AK3: variants seen among roughly 807,000 people sequenced by gnomAD.
AK3 encodes the protein GTP:AMP phosphotransferase AK3, mitochondrial.
AK3 carries 27 observed loss-of-function variants against 23.7 expected under a neutral mutation model. The ratio of observed to expected loss-of-function variants is 1.14; its 90% CI spans 0.84 to 1.57. AK3 has a LOEUF of 1.57. Among genes scored for constraint, AK3 ranks in the 40% most tolerant of loss-of-function variants. The pLI is 0.00. For synonymous variants in AK3, 159 were observed against 116.0 expected (o/e 1.37, Z -2.38); for missense variants, 406 against 285.6 (o/e 1.42, Z -3.04).
rs1300606526 is a variant in AK3 at position 4,709,828 on chromosome 9, T to G, written c.*3148A>C. Reference sequence around the variant, plus strand: ...GCCTGAGGATTTATTTTTATTTTTATTTTTATTTTTTGGTCAATGAGAAGA... The same window carrying G: ...GCCTGAGGATTTATTTTTATTTTTAGTTTTATTTTTTGGTCAATGAGAAGA... On this transcript the variant is annotated 3_prime_UTR_variant, in exon 5 of 5. Coordinates refer to ENST00000381809, the MANE Select transcript of AK3 (RefSeq NM_016282.4). 6.6e-6 allele frequency: 1 copy of G among 152,008 alleles called. No individual in the cohort carries two copies. Among genetic ancestry groups the G allele is most frequent in the Admixed American group, 6.5e-5 (1 of 15,274 alleles). The allele number at this position is 152,008 out of a possible 1,614,324, so 9.4% of individuals were successfully genotyped here.
In AK3 at chr9:4,741,012, G is replaced by A. The variant is rs757194911; in HGVS notation, c.76C>T (p.Arg26Cys). 2.5e-6 allele frequency: 4 copies of A among 1,593,346 alleles called. No homozygotes were observed. In the South Asian group the frequency reaches 3.4e-5, roughly 14 times the overall value. The change falls in exon 1 of 5, where the codon CGC (arginine) becomes TGC (cysteine). Residue 26 changes from arginine (R) to cysteine (C), a missense_variant. Arg to Cys is a radical substitution (Grantham distance 180, BLOSUM62 -3). Coordinates refer to ENST00000381809, the MANE Select transcript of AK3 (RefSeq NM_016282.4). ...PGSGKGTVSSRITTHFELKHL... is the reference protein window; with the variant it reads ...PGSGKGTVSSCITTHFELKHL... ...TTCAGCTCGAAGTGTGTAGTGATGCGCGACGACACGGTGCCCTTGCCCGAG... is the reference window on the plus strand; with the variant it reads ...TTCAGCTCGAAGTGTGTAGTGATGCACGACGACACGGTGCCCTTGCCCGAG...
chr9:4,741,242 T>C, upstream of AK3: 3 of 822,608 alleles, frequency 3.6e-6, no homozygotes, highest in African/African-American at 1.8e-5. Context: ...CGACAGCCCC[T>C]GGGGCCGCCC....
At chr9:4,736,237 T>C (rs1842290398) in intron 1 of AK3, among the ~76,000 whole-genome samples, 2 of 151,866 alleles carry the variant, frequency 1.3e-5, no homozygotes, top group African/African-American at 4.8e-5. Context: ...TATATCTCAA[T>C]AAAGCTATTA....
intron 1 of AK3, among the ~76,000 whole-genome samples, chr9:4,732,654 A>G (rs1189261586): frequency 2.0e-5 from 3 of 152,252 alleles, no homozygotes; most frequent in Non-Finnish European, 2.9e-5. Context: ...GATAATAACT[A>G]GAAATCCTAA....
chr9:4,733,823 A>T (rs1842209788), intron 1 of AK3, among the ~76,000 whole-genome samples: 1 of 152,136 alleles, frequency 6.6e-6, no homozygotes, highest in South Asian at 2.1e-4. Context: ...GGATCCTCCT[A>T]GCCTTTACTC....
intron 3 of AK3, 95 bp from the exon 4 acceptor site, chr9:4,718,632 C>CAAGT (rs1841803176): frequency 1.1e-6 from 1 of 930,820 alleles, no homozygotes; most frequent in Admixed American, 2.3e-5. Context: ...CATCTCTGTG[C>CAAGT]AAGTGCCAAG....
intron 1 of AK3, among the ~76,000 whole-genome samples, chr9:4,730,213 C>T (rs425797): frequency 0.084 from 12,756 of 152,098 alleles, 628 homozygotes; most frequent in African/African-American, 0.13. Context: ...ATGAGAACAG[C>T]GTTTCTTTTT....
intron 4 of AK3, among the ~76,000 whole-genome samples, chr9:4,716,989 A>C (rs1841753924): frequency 6.6e-6 from 1 of 152,238 alleles, no homozygotes; most frequent in South Asian, 2.1e-4. Flanking sequence ...TACTGCATAC[A>C]TACGCTATTA....
chr9:4,730,568 A>C (rs1191854451), intron 1 of AK3, among the ~76,000 whole-genome samples: 2 of 152,150 alleles, frequency 1.3e-5, no homozygotes, highest in Non-Finnish European at 2.9e-5. Flanking sequence ...GCACTACTGC[A>C]CTCCAGCCTT....
chr9:4,718,561 G>T (rs1430995400), intron 3 of AK3, 24 bp from the exon 4 acceptor site: 1 of 1,456,444 alleles, frequency 6.9e-7, no homozygotes, highest in South Asian at 1.2e-5. Context: ...GAAGAGACTA[G>T]TATCAGATAT....
chr9:4,710,768 G>A lies in AK3; in HGVS notation c.*2208C>T, dbSNP rs796733531. On this transcript the variant is annotated 3_prime_UTR_variant, in exon 5 of 5. Coordinates refer to ENST00000381809, the MANE Select transcript of AK3 (RefSeq NM_016282.4). ...CTCTACAAAAAAATAAAATTAGCCA[G>A]GCATGGTGGTACATACCTGTAGTTT... 7.9e-5 allele frequency: 12 copies of A among 152,134 alleles called. No homozygotes were observed. Among genetic ancestry groups the A allele is most frequent in the African/African-American group, 2.9e-4 (12 of 41,488 alleles). The allele number at this position is 152,134 out of a possible 1,614,324, so 9.4% of individuals were successfully genotyped here. A position where few individuals can be genotyped will look rare whatever the true frequency, so the allele number is the denominator to read the frequency against.
At chr9:4,740,342 A>G (rs573572782) in intron 1 of AK3, among the ~76,000 whole-genome samples, 75 of 152,314 alleles carry the variant, frequency 4.9e-4, no homozygotes, top group Admixed American at 2.2e-3. Flanking sequence ...AATATTTTAT[A>G]GAACCATGCA....
chr9:4,728,866 T>TATATACACACAC (rs1395790351), intron 1 of AK3, among the ~76,000 whole-genome samples: 14 of 87,900 alleles, frequency 1.6e-4, no homozygotes, highest in Middle Eastern at 5.0e-3. Context: ...TATATATATA[T>TATATACACACAC]ACACACACAC....
In AK3 at chr9:4,740,781, G is replaced by A. The variant is rs185585254; in HGVS notation, c.151+156C>T. ...GCCCACGGAGGCCGGAGGTTTTGGG[G>A]CGCAGTCGCTCAGCAGCCCGAGGTC... On this transcript the variant is annotated intron_variant, in intron 1 of 4. Coordinates refer to ENST00000381809, the MANE Select transcript of AK3 (RefSeq NM_016282.4). Among the ~76,000 whole-genome samples, 1,034 of 152,320 alleles carry A rather than the reference G, an allele frequency of 6.8e-3. 2 individuals are homozygous for A. The highest frequency in any genetic ancestry group is 0.011 in the Non-Finnish European group (746 of 68,022).
intron 1 of AK3, among the ~76,000 whole-genome samples, chr9:4,733,140 G>A (rs191474620): frequency 2.4e-4 from 36 of 152,020 alleles, no homozygotes; most frequent in Admixed American, 1.5e-3. Flanking sequence ...TGAGCCACCC[G>A]CCAACCAGCA....
At chr9:4,715,203 T>G in intron 4 of AK3, among the ~76,000 whole-genome samples, 2 of 112,354 alleles carry the variant, frequency 1.8e-5, no homozygotes, top group African/African-American at 3.7e-5. Flanking sequence ...TGAGAGAGAG[T>G]GAGACTCCGT....
At chr9:4,722,711 G>T in intron 1 of AK3, 86 bp from the exon 2 acceptor site, 1 of 1,559,612 alleles carries the variant, frequency 6.4e-7, no homozygotes, top group Non-Finnish European at 8.8e-7. Context: ...TAAAGGGGAA[G>T]TCTGAATGGC....
At chr9:4,713,212 A>G in intron 4 of AK3, 116 bp from the exon 5 acceptor site, 1 of 1,352,140 alleles carries the variant, frequency 7.4e-7, no homozygotes, top group Non-Finnish European at 9.8e-7. Context: ...TGGTAAGTAT[A>G]GATTTGTGTA....
chr9:4,718,233 G>C (rs1841789898), intron 4 of AK3, among the ~76,000 whole-genome samples, 186 bp downstream of exon 4: 1 of 152,174 alleles, frequency 6.6e-6, no homozygotes, highest in African/African-American at 2.4e-5. Flanking sequence ...ATCAAACCCA[G>C]GTGTGACTGA....
Sources: gnomAD v4.1 joint callset for allele counts (sites outside exome capture counted in the v4.1 genomes callset) on GRCh38, gnomAD v4.1.1 for gene constraint, MANE v1.5 for transcripts, NCBI Gene and HGNC (gene_info 2026-07-23, HGNC 2026-07-21) for gene names.